The following GTF2H1 variants were observed in gnomAD, a reference collection of about 807,000 sequenced individuals.
GTF2H1 encodes general transcription factor IIH subunit 1.
A neutral mutation model predicts 71.2 loss-of-function variants in GTF2H1; 16 were observed. The observed-to-expected ratio is 0.22, with a 90% CI of 0.15 to 0.34. The LOEUF (loss-of-function observed/expected upper bound fraction) is 0.34. GTF2H1 is among the 10% of genes least tolerant of loss of function. The probability of loss-of-function intolerance (pLI) is 1.00; values close to 1 mark genes in which losing one functional copy is unlikely to be tolerated. For missense variants in GTF2H1, 498 were observed against 648.2 expected (o/e 0.77, Z 2.52); for synonymous variants, 215 against 219.0 (o/e 0.98, Z 0.16).
At chr11:18,324,073 G>A (rs1010274991) in intron 1 of GTF2H1, among the ~76,000 whole-genome samples, 5 of 151,098 alleles carry the variant, frequency 3.3e-5, no homozygotes, top group Non-Finnish European at 4.4e-5. Flanking sequence ...TTTTTGAGAC[G>A]GAGTTTTGCT....
chr11:18,341,500 T>C (rs774832552), intron 6 of GTF2H1, 28 bp from the exon 7 acceptor site: 2 of 1,606,102 alleles, frequency 1.2e-6, no homozygotes, highest in South Asian at 2.2e-5. Context: ...TAAGACATGC[T>C]GAACTTTTTA....
intron 2 of GTF2H1, among the ~76,000 whole-genome samples, chr11:18,334,007 C>G (rs1209531937): frequency 6.6e-6 from 1 of 152,120 alleles, no homozygotes; most frequent in Admixed American, 6.5e-5. Context: ...TTTGAGAGGC[C>G]AAGGCGAGTG....
intron 11 of GTF2H1, among the ~76,000 whole-genome samples, chr11:18,353,718 C>T (rs1445906336): frequency 6.6e-6 from 1 of 152,106 alleles, no homozygotes; most frequent in South Asian, 2.1e-4. Flanking sequence ...TCAAGACTTA[C>T]TTTTTTACTT....
Position 18,337,605 on chromosome 11 carries a change from AAAT to A in GTF2H1, c.348-501_348-499del, listed in dbSNP as rs1158009545. ...TTTGGATCAGAAGTACTTGGGAAAA[AAAT>A]AACAGTACGATAATTAAACATAATA... On this transcript the variant is annotated intron_variant, in intron 3 of 14. Transcript: ENST00000265963. Among the ~76,000 whole-genome samples the A allele has an allele frequency of 4.6e-5, 7 of 152,328 alleles. No individual in the cohort carries two copies. The East Asian group carries it at 1.3e-3, about 29-fold the overall frequency.
At chr11:18,352,530 C>A in intron 11 of GTF2H1, 84 bp downstream of exon 11, 1 of 615,572 alleles carries the variant, frequency 1.6e-6, no homozygotes, top group South Asian at 2.3e-5. Context: ...AACCATACAA[C>A]TAATATTTTA....
intron 5 of GTF2H1, 87 bp from the exon 6 acceptor site, chr11:18,341,173 AT>A: frequency 2.1e-6 from 2 of 956,224 alleles, no homozygotes; most frequent in Non-Finnish European, 3.2e-6. Flanking sequence ...TATGGTCTAG[AT>A]TTTGCTATTT....
At chr11:18,341,501 G>A (rs1233976594) in intron 6 of GTF2H1, 27 bp from the exon 7 acceptor site, 1 of 1,605,530 alleles carries the variant, frequency 6.2e-7, no homozygotes, top group Admixed American at 1.7e-5. Context: ...AAGACATGCT[G>A]AACTTTTTAT....
Position 18,349,904 on chromosome 11 carries a change from C to G in GTF2H1, c.1054-1977C>G, listed in dbSNP as rs542972298. Among the ~76,000 whole-genome samples the G allele has an allele frequency of 1.1e-4, 17 of 152,226 alleles. No individual in the cohort carries two copies. The East Asian group carries it at 3.3e-3, about 29-fold the overall frequency. On this transcript the variant is annotated intron_variant, in intron 9 of 14. Coordinates refer to ENST00000265963, the MANE Select transcript of GTF2H1 (RefSeq NM_005316.4). ...TTAGCCTGTAGTTGGGCAGCATTAC[C>G]TACTATAAAGTGTATTTTCTAATAA...
At position 18,336,058 on chromosome 11, in the gene GTF2H1, TTTG is replaced by T. The variant is rs1159597964; in HGVS notation, c.347+120_347+122del. On this transcript the variant is annotated intron_variant, in intron 3 of 14. Coordinates refer to ENST00000265963, the MANE Select transcript of GTF2H1 (RefSeq NM_005316.4). Reference sequence around the variant, plus strand: ...GTTTTTTCGGTTTTGGTTTTGGTTTTTTGTTGTTGTCGTTTTTGTTTTTGTTTT... The same window carrying T: ...GTTTTTTCGGTTTTGGTTTTGGTTTTTTGTTGTCGTTTTTGTTTTTGTTTT... The T allele has an allele frequency of 2.3e-4, 157 of 685,966 alleles. 1 individual carries two copies. In the South Asian group the frequency reaches 3.1e-3, roughly 13 times the overall value. 42.5% of individuals were successfully genotyped at this position (685,966 alleles called of 1,614,324 possible).
intron 9 of GTF2H1, among the ~76,000 whole-genome samples, chr11:18,350,438 T>TA (rs5790034): frequency 1.5e-4 from 23 of 149,524 alleles, no homozygotes; most frequent in African/African-American, 3.2e-4. Flanking sequence ...AGAAAGTAGT[T>TA]AAAAAAAAAA....
chr11:18,332,936 C>G, intron 1 of GTF2H1, 124 bp from the exon 2 acceptor site: 1 of 574,070 alleles, frequency 1.7e-6, no homozygotes, highest in Non-Finnish European at 2.9e-6. Flanking sequence ...AAGAGACTTT[C>G]TTCTTCCCCG....
intron 6 of GTF2H1, 46 bp from the exon 7 acceptor site, chr11:18,341,482 G>A: frequency 1.2e-6 from 2 of 1,602,732 alleles, no homozygotes; most frequent in Non-Finnish European, 1.7e-6. Context: ...GTTAATTTCT[G>A]AGACAGATAA....
chr11:18,327,629 T>C (rs1454446515), intron 1 of GTF2H1, among the ~76,000 whole-genome samples: 4 of 152,198 alleles, frequency 2.6e-5, no homozygotes, highest in Non-Finnish European at 5.9e-5. Context: ...TGATGGAGAA[T>C]ACTCTGTCAC....
intron 13 of GTF2H1, among the ~76,000 whole-genome samples, chr11:18,360,247 T>C (rs961970418): frequency 7.9e-5 from 12 of 152,070 alleles, no homozygotes; most frequent in Admixed American, 7.9e-4. Context: ...CTCAGCCTCC[T>C]GAGTAGCTGG....
intron 1 of GTF2H1, among the ~76,000 whole-genome samples, chr11:18,327,935 G>A (rs867690023): frequency 1.3e-5 from 2 of 152,176 alleles, no homozygotes; most frequent in Admixed American, 6.5e-5. Context: ...CAGGCCGGGT[G>A]TAGTGGCTCA....
chr11:18,355,091 GTTTTTTTCTTTTTCCT>G (rs1201940048), intron 11 of GTF2H1, among the ~76,000 whole-genome samples: 6 of 149,004 alleles, frequency 4.0e-5, no homozygotes, highest in African/African-American at 1.5e-4. Flanking sequence ...ATTACAGGCC[GTTTTTTTCTTTTTCCT>G]TTTTTTTAAA....
chr11:18,352,171 A>G, intron 10 of GTF2H1, 158 bp from the exon 11 acceptor site: 2 of 635,056 alleles, frequency 3.1e-6, no homozygotes, highest in Admixed American at 2.7e-5. Context: ...TTGCTTTCTT[A>G]TTGCCCTTAT....
At position 18,352,445 on chromosome 11, in the gene GTF2H1, A is replaced by C. The variant is rs1865448970; in HGVS notation, c.1259A>C (p.Gln420Pro). ...EMEAYTPKLT[Q>P]VLSSSAASST... is the part of the protein sequence containing the mutation. ...GAAGCTTATACACCCAAGTTAACTCAGGTAGGTGACTTCTACTGTTTGAAG... is the reference window on the plus strand; with the variant it reads ...GAAGCTTATACACCCAAGTTAACTCCGGTAGGTGACTTCTACTGTTTGAAG... Residue 420 changes from glutamine to proline, a missense_variant and splice_region_variant, in exon 11 of 15, where the codon CAG becomes CCG. This residue lies in a region of GTF2H1 where 266 missense variants were observed against 301.6 expected (regional missense o/e 0.88). Transcript: ENST00000265963. 1 of 1,211,196 alleles carries C rather than the reference A, an allele frequency of 8.3e-7. No individual in the cohort carries two copies. The highest frequency in any genetic ancestry group is 1.2e-6 in the Non-Finnish European group (1 of 813,890). The allele number at this position is 1,211,196 out of a possible 1,614,324, so 75.0% of individuals were successfully genotyped here. A position where few individuals can be genotyped will look rare whatever the true frequency, so the allele number is the denominator to read the frequency against.
intron 14 of GTF2H1, among the ~76,000 whole-genome samples, chr11:18,364,975 A>T (rs1037054926): frequency 1.3e-5 from 2 of 151,550 alleles, no homozygotes; most frequent in Non-Finnish European, 2.9e-5. Flanking sequence ...CACGCCTGTA[A>T]TCCCAGCACT....
Sources: allele counts gnomAD v4.1 joint callset (sites outside exome capture counted in the v4.1 genomes callset), GRCh38; gene constraint gnomAD v4.1.1; regional missense constraint gnomAD v4.1.1; transcripts MANE v1.5; gene names NCBI Gene and HGNC (gene_info 2026-07-23, HGNC 2026-07-21).